The following SLC27A5 variants were observed in gnomAD, a reference collection of about 807,000 sequenced individuals.
SLC27A5 encodes the protein long-chain fatty acid transport protein 5.
Under a neutral mutation model 63.1 loss-of-function variants are expected in SLC27A5, and 47 were observed. The ratio of observed to expected loss-of-function variants is 0.74; its 90% CI spans 0.59 to 0.95. The LOEUF (loss-of-function observed/expected upper bound fraction) is 0.95. Ranked by LOEUF, SLC27A5 falls within the 40% of genes least tolerant of loss-of-function variation. The pLI is 0.00. For synonymous variants in SLC27A5, 391 were observed against 403.8 expected (o/e 0.97, Z 0.38); for missense variants, 940 against 921.0 (o/e 1.02, Z -0.27).
rs755814064 is a variant in SLC27A5, at chr19:58,510,888, G to A, written c.731C>T (p.Ala244Val). 2.5e-6 allele frequency: 4 copies of A among 1,612,096 alleles called. No homozygotes were observed. The highest frequency in any genetic ancestry group is 3.4e-6 in the Non-Finnish European group (4 of 1,179,110). Residue 244 changes from alanine to valine, a missense_variant, in exon 2 of 10, where the codon GCT becomes GTT. Ala to Val is a moderately conservative substitution (Grantham distance 64). Transcript: ENST00000263093. ...GAGGTAGAAGCAGCGGATGTTCTCA[G>A]CCTGCAGCTTGGGAAGGATCTCCTC... ...SLEEILPKLQ[A>V]ENIRCFYLSH... is the part of the protein sequence containing the mutation.
Position 58,505,796 on chromosome 19 carries a change from C to T in SLC27A5, c.1057+4051G>A, listed in dbSNP as rs148611173. ...CCAGGAGGCAGAGGTTGCAGTGAGC[C>T]GACATCGCGCCATTGCATTCCATCC... On this transcript the variant is annotated intron_variant, in intron 3 of 9. Coordinates refer to ENST00000263093, the MANE Select transcript of SLC27A5 (RefSeq NM_012254.3). 2.1e-3 allele frequency among the ~76,000 whole-genome samples: 306 copies of T among 145,680 alleles called. 1 individual carries two copies. Among genetic ancestry groups the T allele is most frequent in the African/African-American group, 7.4e-3 (287 of 39,012 alleles).
In SLC27A5 at chr19:58,498,686, G is replaced by A. The variant is rs2053236631; in HGVS notation, c.1902C>T (p.Ala634=). Residue 634 remains alanine, a synonymous_variant, in exon 10 of 10, where the codon GCC becomes GCT. Transcript: ENST00000263093. ...ATPHFIRIQD[A]MEVTSTFKLM... is the part of the protein sequence containing the mutation. ...GTTTGAACGTGCTGGTGACCTCCAT[G>A]GCGTCCTGCAGGGCAGTGACCATGG... 6.2e-7 allele frequency: 1 copy of A among 1,613,702 alleles called. No homozygotes were observed. The highest frequency in any genetic ancestry group is 1.3e-5 in the African/African-American group (1 of 74,914).
Position 58,498,881 on chromosome 19 carries a change from C to T in SLC27A5, c.1800G>A (p.Gln600=), listed in dbSNP as rs956514626. ...CGTCGAAAGTCTGGCCGGGGGCTAGCTGCACAGCAGCCATGCCCACCTTAC... is the reference window on the plus strand; with the variant it reads ...CGTCGAAAGTCTGGCCGGGGGCTAGTTGCACAGCAGCCATGCCCACCTTAC... ...CEGKVGMAAV[Q]LAPGQTFDGE... The change falls in exon 9 of 10, where the codon CAG becomes CAA. Residue 600 remains glutamine (Q), a synonymous_variant. Coordinates refer to ENST00000263093, the MANE Select transcript of SLC27A5 (RefSeq NM_012254.3). The T allele has an allele frequency of 3.1e-6, 5 of 1,613,456 alleles. No homozygotes were observed. In the African/African-American group the frequency reaches 5.3e-5, roughly 17 times the overall value.
intron 3 of SLC27A5, among the ~76,000 whole-genome samples, chr19:58,506,035 C>A (rs1394991954): frequency 6.6e-6 from 1 of 151,478 alleles, no homozygotes; most frequent in Non-Finnish European, 1.5e-5. Flanking sequence ...CCTGTAATAA[C>A]AGCTACTAGG....
rs563989657 is a variant in SLC27A5, at chr19:58,498,835, C to A, written c.1846G>T (p.Val616Phe). Residue 616 changes from valine to phenylalanine, a missense_variant, in exon 9 of 10, where the codon GTT becomes TTT. Val to Phe is a conservative substitution (Grantham distance 50, BLOSUM62 -1). Coordinates refer to ENST00000263093, the MANE Select transcript of SLC27A5 (RefSeq NM_012254.3). ...GCGTAGGCAGGGAGCCAAGCGCGAACGTGCTGGTACAACTTCTCCCCGTCG... is the reference window on the plus strand; with the variant it reads ...GCGTAGGCAGGGAGCCAAGCGCGAAAGTGCTGGTACAACTTCTCCCCGTCG... ...TFDGEKLYQH[V>F]RAWLPAYATP... 1.7e-5 allele frequency: 28 copies of A among 1,613,934 alleles called. No individual in the cohort carries two copies. The highest frequency in any genetic ancestry group is 1.6e-4 in the Middle Eastern group (1 of 6,084).
rs1317671548 is a variant in SLC27A5, at chr19:58,498,820, G to T, written c.1861C>A (p.Pro621Thr). 6.2e-7 allele frequency: 1 copy of T among 1,614,036 alleles called. No homozygotes were observed. The highest frequency in any genetic ancestry group is 1.7e-5 in the Admixed American group (1 of 60,004). ...ATGAAATGGGGGGTAGCGTAGGCAG[G>T]GAGCCAAGCGCGAACGTGCTGGTAC... ...KLYQHVRAWL[P>T]AYATPHFIRI... Residue 621 changes from proline (P) to threonine (T), a missense_variant, in exon 9 of 10, where the codon CCT becomes ACT. Coordinates refer to ENST00000263093, the MANE Select transcript of SLC27A5 (RefSeq NM_012254.3).
At position 58,511,641 on chromosome 19, in the gene SLC27A5, C is replaced by T. The variant is rs2053413663; in HGVS notation, c.315G>A (p.Arg105=). 6.2e-7 allele frequency: 1 copy of T among 1,600,924 alleles called. No individual in the cohort carries two copies. Among genetic ancestry groups the T allele is most frequent in the Non-Finnish European group, 8.5e-7 (1 of 1,173,532 alleles). ...AKILHLGLKI[R]GCLSRQPPDT... ...CAGGCGGCTGCCGGCTCAAGCATCC[C>T]CTGATCTTCAGGCCCAGGTGGAGGA... Residue 105 remains arginine (R), a synonymous_variant, in exon 1 of 10, where the codon AGG becomes AGA. Transcript: ENST00000263093.
rs1161222783 is a variant in SLC27A5 at position 58,511,840 on chromosome 19, T to C, written c.116A>G (p.Asp39Gly). ...CCCAAGTAGCACGCAACATGTGGGA[T>C]CCCCCAGGAGCCAGCGCAGGGTCAA... is the stretch of plus-strand genomic sequence containing the variant. ...VALTLRWLLGDPTCCVLLGLA... is the reference protein window; with the variant it reads ...VALTLRWLLGGPTCCVLLGLA... The change falls in exon 1 of 10, where the codon GAT becomes GGT. Residue 39 changes from aspartate (D) to glycine (G), a missense_variant. Coordinates refer to ENST00000263093, the MANE Select transcript of SLC27A5 (RefSeq NM_012254.3). The C allele has an allele frequency of 6.4e-7, 1 of 1,558,186 alleles. No homozygotes were observed. Among genetic ancestry groups the C allele is most frequent in the Non-Finnish European group, 8.7e-7 (1 of 1,151,780 alleles).
At chr19:58,503,790 AAAACAAACAAAC>A (rs139457320) in intron 3 of SLC27A5, among the ~76,000 whole-genome samples, 1 of 151,910 alleles carries the variant, frequency 6.6e-6, no homozygotes, top group Admixed American at 6.6e-5. Flanking sequence ...TTAATTGTTA[AAAACAAACAAAC>A]AAACAAACAA....
intron 3 of SLC27A5, among the ~76,000 whole-genome samples, chr19:58,502,381 A>G (rs28556868): frequency 6.3e-5 from 9 of 143,770 alleles, no homozygotes; most frequent in South Asian, 2.3e-4. Flanking sequence ...GTGAGTGAGT[A>G]GATGGATGGG....
At chr19:58,501,101 C>A in intron 4 of SLC27A5, 185 bp downstream of exon 4, 1 of 1,172,584 alleles carries the variant, frequency 8.5e-7, no homozygotes, top group Non-Finnish European at 1.2e-6. Flanking sequence ...CACTGAGGCT[C>A]AAGGTAGCAC....
chr19:58,502,854 G>C (rs541022614), intron 3 of SLC27A5, among the ~76,000 whole-genome samples: 1 of 152,070 alleles, frequency 6.6e-6, no homozygotes, highest in East Asian at 1.9e-4. Flanking sequence ...TGGACAGTTA[G>C]AGTAGTGAGT....
Position 58,500,337 on chromosome 19 carries a change from ACCTAGC to A in SLC27A5, c.1464_1468+1del, listed in dbSNP as rs762193852. ...CCAGGAAAGGCTCCTCAACCCCCAT[ACCTAGC>A]CCTACAGGGATGCAGAAGCCCTGAT... is the stretch of plus-strand genomic sequence containing the variant. On this transcript the variant is annotated splice_donor_variant and coding_sequence_variant, in exon 6 of 10. Coordinates refer to ENST00000263093, the MANE Select transcript of SLC27A5 (RefSeq NM_012254.3). LOFTEE classifies it high-confidence loss of function. 13 of 1,611,740 alleles carry A rather than the reference ACCTAGC, an allele frequency of 8.1e-6. No homozygotes were observed. In the East Asian group the frequency reaches 1.6e-4, roughly 19 times the overall value.
chr19:58,502,491 G>C (rs2053287471), intron 3 of SLC27A5, among the ~76,000 whole-genome samples: 1 of 66,190 alleles, frequency 1.5e-5, no homozygotes, highest in Non-Finnish European at 3.4e-5. Context: ...AGATGGATGG[G>C]TGAACAGTTA....
intron 3 of SLC27A5, chr19:58,509,183 C>G (rs576245932): frequency 6.7e-6 from 1 of 149,080 alleles, no homozygotes; most frequent in East Asian, 2.0e-4. Flanking sequence ...GTCAGGAGTT[C>G]AAGACCAGCC....
chr19:58,506,649 C>CTTT (rs377249164), intron 3 of SLC27A5, among the ~76,000 whole-genome samples: 3 of 141,964 alleles, frequency 2.1e-5, no homozygotes, highest in Non-Finnish European at 3.1e-5. Flanking sequence ...ACTATTTTCA[C>CTTT]TTTTTTTTTT....
intron 4 of SLC27A5, 129 bp downstream of exon 4, chr19:58,501,157 A>G: frequency 1.5e-6 from 2 of 1,321,966 alleles, no homozygotes; most frequent in Non-Finnish European, 2.0e-6. Context: ...GAAACTCATT[A>G]TCTGGGGTTC....
chr19:58,499,462 A>G, intron 7 of SLC27A5, 30 bp downstream of exon 7: 1 of 1,608,998 alleles, frequency 6.2e-7, no homozygotes, highest in Non-Finnish European at 8.5e-7. Context: ...GCCCCGCGCC[A>G]GCCCCGCCCC....
chr19:58,498,625 CA>C lies in SLC27A5; in HGVS notation c.1962del (p.Asn654LysfsTer22), dbSNP rs1419174642. ...MKTRLVREGF[N>X]VGIVVDPLFV... ...AACAGAGGGTCAACCACGATCCCCA[CA>C]TTGAAGCCCTCACGCACCAACCGGG... On this transcript the variant is annotated frameshift_variant, in exon 10 of 10. Coordinates refer to ENST00000263093, the MANE Select transcript of SLC27A5 (RefSeq NM_012254.3). LOFTEE classifies it low-confidence loss of function (END_TRUNC). 6.2e-7 allele frequency: 1 copy of C among 1,614,158 alleles called. No individual in the cohort carries two copies.
Sources: gnomAD v4.1 joint callset for allele counts (sites outside exome capture counted in the v4.1 genomes callset) on GRCh38, gnomAD v4.1.1 for gene constraint, MANE v1.5 for transcripts, NCBI Gene and HGNC (gene_info 2026-07-23, HGNC 2026-07-21) for gene names.